ITGB8: variants seen among roughly 807,000 people sequenced by gnomAD.
The protein encoded by ITGB8 is integrin subunit beta 8.
A neutral mutation model predicts 89.5 loss-of-function variants in ITGB8; 30 were observed. The ratio of observed to expected loss-of-function variants is 0.34; its 90% CI spans 0.25 to 0.45. The LOEUF (loss-of-function observed/expected upper bound fraction) is 0.45. Among genes scored for constraint, ITGB8 ranks in the 20% least tolerant of loss-of-function variants. ITGB8 has a pLI of 1.00. For synonymous variants in ITGB8, 335 were observed against 320.4 expected (o/e 1.05, Z -0.49); for missense variants, 836 against 933.3 (o/e 0.90, Z 1.36).
intron 6 of ITGB8, among the ~76,000 whole-genome samples, chr7:20,391,141 G>A (rs1307366761): frequency 6.6e-6 from 1 of 151,956 alleles, no homozygotes; most frequent in African/African-American, 2.4e-5. Flanking sequence ...CTAAAGAGGT[G>A]CTGTTCACTC....
intron 1 of ITGB8, among the ~76,000 whole-genome samples, chr7:20,338,710 T>G (rs1784654737): frequency 6.6e-6 from 1 of 152,058 alleles, no homozygotes; most frequent in Non-Finnish European, 1.5e-5. Flanking sequence ...TTGCATAAGG[T>G]AGTCTGGTAG....
intron 10 of ITGB8, 52 bp downstream of exon 10, chr7:20,402,178 T>C: frequency 2.1e-6 from 3 of 1,416,988 alleles, no homozygotes; most frequent in Non-Finnish European, 2.9e-6. Flanking sequence ...TACACCAGCA[T>C]AGATGTTAAA....
chr7:20,369,639 C>A (rs960083397), intron 3 of ITGB8, among the ~76,000 whole-genome samples: 5 of 151,982 alleles, frequency 3.3e-5, no homozygotes, highest in Non-Finnish European at 7.4e-5. Context: ...ACAATTCAGT[C>A]GATAGCATTT....
chr7:20,374,519 C>G (rs1226822718), intron 3 of ITGB8, among the ~76,000 whole-genome samples: 1 of 150,312 alleles, frequency 6.7e-6, no homozygotes, highest in African/African-American at 2.4e-5. Context: ...GATGTCCAGT[C>G]TAGAGTCTCA....
At chr7:20,352,535 A>C (rs1452441887) in intron 1 of ITGB8, 1 of 152,234 alleles carries the variant, frequency 6.6e-6, no homozygotes, top group African/African-American at 2.4e-5. Flanking sequence ...TCAAATATAC[A>C]TGTAAAGATG....
In ITGB8 at chr7:20,361,494, A is replaced by G. The variant is rs77214145; in HGVS notation, c.128-2143A>G. 9.2e-3 allele frequency among the ~76,000 whole-genome samples: 1,400 copies of G among 152,290 alleles called. 20 individuals carry two copies. Among genetic ancestry groups the G allele is most frequent in the African/African-American group, 0.032 (1,312 of 41,542 alleles). On this transcript the variant is annotated intron_variant, in intron 1 of 13. Transcript: ENST00000222573. The stretch of plus-strand genomic sequence containing the variant: ...TCTTGCTGTGTCCTTACATGATGGA[A>G]GCGCAGAAGCACAAAGAGAGCTAAA...
intron 1 of ITGB8, among the ~76,000 whole-genome samples, chr7:20,359,893 T>C (rs192716874): frequency 1.3e-5 from 2 of 152,318 alleles, no homozygotes; most frequent in East Asian, 3.9e-4. Context: ...AGTATAACCA[T>C]GACACTCTCC....
intron 1 of ITGB8, among the ~76,000 whole-genome samples, chr7:20,343,583 A>T (rs1347310207): frequency 2.0e-5 from 3 of 152,240 alleles, no homozygotes; most frequent in Non-Finnish European, 2.9e-5. Flanking sequence ...AATTACAAAA[A>T]AAAATTCAGG....
In ITGB8 at chr7:20,331,272, A is replaced by C; in HGVS notation, c.-535A>C. 1 of 321,450 alleles carries C rather than the reference A, an allele frequency of 3.1e-6. No individual in the cohort carries two copies. The highest frequency in any genetic ancestry group is 4.9e-5 in the East Asian group (1 of 20,570). The allele number at this position is 321,450 out of a possible 1,614,324, so 19.9% of individuals were successfully genotyped here. A position where few individuals can be genotyped will look rare whatever the true frequency, so the allele number is the denominator to read the frequency against. On this transcript the variant is annotated 5_prime_UTR_variant, in exon 1 of 14. Coordinates refer to ENST00000222573, the MANE Select transcript of ITGB8 (RefSeq NM_002214.3). ...GCCTCCCTGCCCACCTGTGGAAGCA[A>C]CTGCGCTGATTGATGCGCCACAGAC...
chr7:20,402,786 A>G (rs1787368613), intron 10 of ITGB8, among the ~76,000 whole-genome samples: 1 of 152,208 alleles, frequency 6.6e-6, no homozygotes, highest in African/African-American at 2.4e-5. Flanking sequence ...AAATAAAAAT[A>G]CGAAGATCAC....
At chr7:20,384,185 T>C (rs879519668) in intron 6 of ITGB8, among the ~76,000 whole-genome samples, 2 of 152,192 alleles carry the variant, frequency 1.3e-5, no homozygotes, top group African/African-American at 4.8e-5. Context: ...TTGGCCATTA[T>C]GGAGGAATTT....
chr7:20,394,889 T>C lies in ITGB8; in HGVS notation c.1057-7T>C. On this transcript the variant is annotated splice_region_variant and splice_polypyrimidine_tract_variant and intron_variant, in intron 7 of 13. Transcript: ENST00000222573. ...CATTGTTTAAATGCTACTGATATGT[T>C]TTATAGGATCTTCTACCCCTCTTGC... 1 of 1,595,396 alleles carries C rather than the reference T, an allele frequency of 6.3e-7. No individual in the cohort carries two copies.
chr7:20,402,178 T>A, intron 10 of ITGB8, 52 bp downstream of exon 10: 1 of 1,416,988 alleles, frequency 7.1e-7, no homozygotes, highest in Non-Finnish European at 9.5e-7. Flanking sequence ...TACACCAGCA[T>A]AGATGTTAAA....
Position 20,410,870 on chromosome 7 carries a change from T to A in ITGB8, c.*873T>A, listed in dbSNP as rs942885723. On this transcript the variant is annotated 3_prime_UTR_variant, in exon 14 of 14. Coordinates refer to ENST00000222573, the MANE Select transcript of ITGB8 (RefSeq NM_002214.3). ...ACAAGTGTGGAGTTTTGTATCCTCT[T>A]ACCTGGTAAACTGAAGGGATTGTTT... 5 of 152,684 alleles carry A rather than the reference T, an allele frequency of 3.3e-5. No homozygotes were observed. The highest frequency in any genetic ancestry group is 1.2e-4 in the African/African-American group (5 of 41,474). 9.5% of individuals were successfully genotyped at this position (152,684 alleles called of 1,614,324 possible).
intron 7 of ITGB8, 73 bp downstream of exon 7, chr7:20,391,571 C>G: frequency 1.4e-6 from 1 of 694,868 alleles, no homozygotes; most frequent in African/African-American, 1.9e-5. Context: ...TTCTTTAGAA[C>G]CACAGATAAG....
chr7:20,391,116 G>T (rs576040831), intron 6 of ITGB8, among the ~76,000 whole-genome samples: 97 of 151,982 alleles, frequency 6.4e-4, no homozygotes, highest in African/African-American at 2.2e-3. Context: ...ACACCATTTG[G>T]AGTCCAGTGT....
At chr7:20,358,051 C>T (rs960218886) in intron 1 of ITGB8, among the ~76,000 whole-genome samples, 4 of 152,184 alleles carry the variant, frequency 2.6e-5, no homozygotes, top group East Asian at 1.9e-4. Context: ...CTGCAACCTC[C>T]GCCTCCCGAG....
chr7:20,333,599 T>C (rs1784483562), intron 1 of ITGB8, among the ~76,000 whole-genome samples: 1 of 140,222 alleles, frequency 7.1e-6, no homozygotes, highest in East Asian at 1.9e-4. Context: ...TTAACTGTGC[T>C]TATAAACATT....
chr7:20,379,333 T>G (rs199998085), intron 4 of ITGB8, 36 bp downstream of exon 4: 2 of 1,387,506 alleles, frequency 1.4e-6, no homozygotes, highest in East Asian at 5.2e-5. Flanking sequence ...CTAAATTAAT[T>G]TTTTGCTTAT....
Sources: allele counts gnomAD v4.1 joint callset (sites outside exome capture counted in the v4.1 genomes callset), GRCh38; gene constraint gnomAD v4.1.1; transcripts MANE v1.5; gene names NCBI Gene and HGNC (gene_info 2026-07-23, HGNC 2026-07-21).